The following PTPRD variants were observed in gnomAD, a reference collection of about 807,000 sequenced individuals.
PTPRD encodes the protein protein tyrosine phosphatase receptor type D, also known as receptor-type tyrosine-protein phosphatase delta.
In PTPRD, 34 loss-of-function variants were observed where a neutral mutation model predicts 214.5. The observed-to-expected ratio is 0.16, with a 90% CI of 0.12 to 0.21. The LOEUF (loss-of-function observed/expected upper bound fraction) is 0.21. PTPRD is among the 10% of genes least tolerant of loss of function. PTPRD has a pLI of 1.00. For synonymous variants in PTPRD, 1,128 were observed against 845.7 expected, an observed-to-expected ratio of 1.33 and a Z score of -5.79; for missense variants, 2,545 against 2,398.7, an observed-to-expected ratio of 1.06 and a Z score of -1.27.
chr9:8,723,575 A>G (rs1203288230), intron 12 of PTPRD, among the ~76,000 whole-genome samples: 1 of 152,214 alleles, frequency 6.6e-6, no homozygotes, highest in Non-Finnish European at 1.5e-5. Context: ...GCTGAATGAA[A>G]AGTATTATTA....
intron 7 of PTPRD, among the ~76,000 whole-genome samples, chr9:9,661,641 A>G (rs558407804): frequency 4.1e-4 from 63 of 151,862 alleles, no homozygotes; most frequent in Non-Finnish European, 8.1e-4. Context: ...ACAAAAAAGT[A>G]TGTCTAATTT....
At chr9:8,357,409 C>T (rs2077242057) in intron 39 of PTPRD, among the ~76,000 whole-genome samples, 1 of 152,204 alleles carries the variant, frequency 6.6e-6, no homozygotes, top group Non-Finnish European at 1.5e-5. Flanking sequence ...CTCATGGAGT[C>T]TAGGCCTATT....
chr9:8,699,891 A>G (rs1384041430), intron 12 of PTPRD, among the ~76,000 whole-genome samples: 1 of 152,224 alleles, frequency 6.6e-6, no homozygotes, highest in Non-Finnish European at 1.5e-5. Flanking sequence ...AAGGGCAAAA[A>G]CTAAACATGG....
chr9:8,332,244 C>T (rs1168534824), intron 43 of PTPRD, among the ~76,000 whole-genome samples: 1 of 152,104 alleles, frequency 6.6e-6, no homozygotes, highest in African/African-American at 2.4e-5. Context: ...ATCTGCTGTG[C>T]TTGCGTATTT....
intron 11 of PTPRD, among the ~76,000 whole-genome samples, chr9:8,967,295 T>C (rs1325494344): frequency 6.6e-6 from 1 of 151,408 alleles, no homozygotes; most frequent in Non-Finnish European, 1.5e-5. Flanking sequence ...TCCCATTATT[T>C]GATTGGATAT....
rs74380406 is a variant in PTPRD at position 9,441,250 on chromosome 9, A to C, written c.-236-43768T>G. ...TCGAAGCGGTGTGGGAGGCATAACT[A>C]TGTCCATCACACCAGTTTCTAAGGC... On this transcript the variant is annotated intron_variant, in intron 8 of 45. Transcript: ENST00000381196. Among the ~76,000 whole-genome samples the C allele has an allele frequency of 7.8e-3, 1,193 of 152,272 alleles. 10 individuals carry two copies. Among genetic ancestry groups the C allele is most frequent in the African/African-American group, 0.028 (1,151 of 41,556 alleles).
chr9:8,946,595 C>T lies in PTPRD; in HGVS notation c.-104+72102G>A, dbSNP rs530069108. On this transcript the variant is annotated intron_variant, in intron 11 of 45. Coordinates refer to ENST00000381196, the MANE Select transcript of PTPRD (RefSeq NM_002839.4). ...TTCAACACTCTTGCATTCTTCTATC[C>T]CCAAGGAAGTGGAGTACTGCTAATG... Among the ~76,000 whole-genome samples, 6 of 152,254 alleles carry T rather than the reference C, an allele frequency of 3.9e-5. 1 individual carries two copies. In the South Asian group the frequency reaches 1.2e-3, roughly 32 times the overall value.
intron 3 of PTPRD, among the ~76,000 whole-genome samples, chr9:10,261,675 A>G (rs1049359173): frequency 6.6e-6 from 1 of 152,146 alleles, no homozygotes; most frequent in African/African-American, 2.4e-5. Flanking sequence ...TTAAAAATCC[A>G]AATCAGTTAA....
At chr9:9,384,945 T>A (rs1569567882) in intron 9 of PTPRD, among the ~76,000 whole-genome samples, 1 of 152,152 alleles carries the variant, frequency 6.6e-6, no homozygotes. Flanking sequence ...TCATAATTGA[T>A]TGAGCATATA....
chr9:9,472,518 T>C (rs2094693141), intron 8 of PTPRD, among the ~76,000 whole-genome samples: 1 of 151,998 alleles, frequency 6.6e-6, no homozygotes, highest in Middle Eastern at 3.4e-3. Context: ...CTCCAATCTT[T>C]AGGCACTTGC....
intron 9 of PTPRD, among the ~76,000 whole-genome samples, chr9:9,361,228 T>C (rs1470581181): frequency 6.6e-6 from 1 of 151,166 alleles, no homozygotes; most frequent in Non-Finnish European, 1.5e-5. Flanking sequence ...ATATAATCCT[T>C]ACAGTTGAAA....
chr9:10,362,269 G>C (rs2097406963), intron 2 of PTPRD, among the ~76,000 whole-genome samples: 2 of 151,938 alleles, frequency 1.3e-5, no homozygotes, highest in South Asian at 2.1e-4. Flanking sequence ...TTATATGTCA[G>C]GCATTGCCCT....
chr9:8,424,157 A>T (rs2094522079), intron 35 of PTPRD, among the ~76,000 whole-genome samples: 2 of 152,192 alleles, frequency 1.3e-5, no homozygotes, highest in South Asian at 4.1e-4. Context: ...AAAATAAAAT[A>T]TAATTATAAC....
At chr9:9,607,122 G>A (rs1434777278) in intron 7 of PTPRD, among the ~76,000 whole-genome samples, 2 of 151,502 alleles carry the variant, frequency 1.3e-5, no homozygotes, top group Non-Finnish European at 2.9e-5. Flanking sequence ...TACACAGACT[G>A]AATGCAATGA....
At chr9:9,624,967 G>T (rs2095371671) in intron 7 of PTPRD, among the ~76,000 whole-genome samples, 1 of 152,028 alleles carries the variant, frequency 6.6e-6, no homozygotes, top group Non-Finnish European at 1.5e-5. Flanking sequence ...AAGAATTATT[G>T]CAAGGAAGAA....
chr9:9,659,340 GA>G (rs941059563), intron 7 of PTPRD, among the ~76,000 whole-genome samples: 2 of 151,998 alleles, frequency 1.3e-5, no homozygotes, highest in African/African-American at 4.8e-5. Flanking sequence ...ATTTGAGAGA[GA>G]AAAAATTTCA....
At chr9:9,872,128 A>T (rs2065625619) in intron 5 of PTPRD, among the ~76,000 whole-genome samples, 1 of 152,096 alleles carries the variant, frequency 6.6e-6, no homozygotes, top group African/African-American at 2.4e-5. Flanking sequence ...TCTTGCACTT[A>T]TCCATCAAAG....
At chr9:8,555,803 AC>A (rs1342550348) in intron 14 of PTPRD, among the ~76,000 whole-genome samples, 1 of 152,066 alleles carries the variant, frequency 6.6e-6, no homozygotes, top group Non-Finnish European at 1.5e-5. Flanking sequence ...GCACTGGAGC[AC>A]AGATTGCAGA....
intron 5 of PTPRD, among the ~76,000 whole-genome samples, chr9:9,816,126 G>A (rs1174301021): frequency 1.3e-5 from 2 of 152,172 alleles, no homozygotes; most frequent in African/African-American, 2.4e-5. Context: ...TAAATTATAT[G>A]TAATTTTTAT....
Sources: allele counts gnomAD v4.1 joint callset (sites outside exome capture counted in the v4.1 genomes callset), GRCh38; gene constraint gnomAD v4.1.1; transcripts MANE v1.5; gene names NCBI Gene and HGNC (gene_info 2026-07-23, HGNC 2026-07-21).